ADGRL2: variants seen among roughly 807,000 people sequenced by gnomAD.
The protein encoded by ADGRL2 is calcium-independent alpha-latrotoxin receptor 2.
A neutral mutation model predicts 157.4 loss-of-function variants in ADGRL2; 44 were observed. The ratio of observed to expected loss-of-function variants is 0.28; its 90% CI spans 0.22 to 0.36. The LOEUF (loss-of-function observed/expected upper bound fraction) is 0.36. Ranked by LOEUF, ADGRL2 falls within the 10% of genes least tolerant of loss-of-function variation. The pLI, the probability that ADGRL2 is intolerant of heterozygous loss-of-function variation, is 1.00. For synonymous variants in ADGRL2, 585 were observed against 624.7 expected, an observed-to-expected ratio of 0.94 and a Z score of 0.95; for missense variants, 1,510 against 1,768.9, an observed-to-expected ratio of 0.85 and a Z score of 2.63.
At chr1:81,940,343 G>T (rs1247571287) in intron 4 of ADGRL2, among the ~76,000 whole-genome samples, 1 of 151,520 alleles carries the variant, frequency 6.6e-6, no homozygotes, top group Non-Finnish European at 1.5e-5. Flanking sequence ...ACGCCCTTCC[G>T]TTATTGATTC....
intron 1 of ADGRL2, among the ~76,000 whole-genome samples, chr1:81,424,691 T>C (rs749954859): frequency 6.6e-6 from 1 of 152,210 alleles, no homozygotes; most frequent in Non-Finnish European, 1.5e-5. Context: ...CTTCATCAGG[T>C]GGGTGATGGT....
At chr1:81,359,527 A>G (rs1245352894) in intron 1 of ADGRL2, among the ~76,000 whole-genome samples, 1 of 152,050 alleles carries the variant, frequency 6.6e-6, no homozygotes, top group Non-Finnish European at 1.5e-5. Flanking sequence ...TATTCAGTAT[A>G]CAGCATTAAT....
intron 1 of ADGRL2, among the ~76,000 whole-genome samples, chr1:81,389,925 T>C (rs2101108777): frequency 6.6e-6 from 1 of 152,320 alleles, no homozygotes; most frequent in Non-Finnish European, 1.5e-5. Flanking sequence ...CCATGTCTGC[T>C]AATCTGACTT....
At chr1:81,744,815 A>C (rs2085190393) in intron 1 of ADGRL2, among the ~76,000 whole-genome samples, 1 of 152,266 alleles carries the variant, frequency 6.6e-6, no homozygotes, top group African/African-American at 2.4e-5. Context: ...ATATTTTCTA[A>C]ATTGCCTCTA....
At chr1:81,558,571 C>T (rs2080367325) in intron 2 of ADGRL2, among the ~76,000 whole-genome samples, 1 of 152,054 alleles carries the variant, frequency 6.6e-6, no homozygotes, top group Admixed American at 6.5e-5. Context: ...ATTCATTCTT[C>T]ATGCAACCTT....
intron 9 of ADGRL2, among the ~76,000 whole-genome samples, chr1:81,952,582 C>T (rs1202697226): frequency 2.0e-5 from 3 of 152,020 alleles, no homozygotes; most frequent in Non-Finnish European, 2.9e-5. Flanking sequence ...GACAAGTTGC[C>T]GTCTCCAGGA....
At chr1:81,849,273 A>T (rs555956878) in intron 2 of ADGRL2, among the ~76,000 whole-genome samples, 2 of 152,068 alleles carry the variant, frequency 1.3e-5, no homozygotes, top group East Asian at 1.9e-4. Flanking sequence ...TTTGCTTCTT[A>T]ATCCCATTTC....
intron 1 of ADGRL2, among the ~76,000 whole-genome samples, chr1:81,396,650 C>T (rs1349451694): frequency 6.6e-6 from 1 of 152,204 alleles, no homozygotes; most frequent in East Asian, 1.9e-4. Flanking sequence ...TGGTCTTTAT[C>T]GTGTTGAGGT....
chr1:81,549,483 C>A (rs1422690172), intron 2 of ADGRL2, among the ~76,000 whole-genome samples: 1 of 152,164 alleles, frequency 6.6e-6, no homozygotes, highest in Non-Finnish European at 1.5e-5. Context: ...CTCCTAGTAA[C>A]TACTGACATG....
chr1:81,428,176 T>C (rs2077253288), intron 1 of ADGRL2, among the ~76,000 whole-genome samples: 1 of 152,162 alleles, frequency 6.6e-6, no homozygotes, highest in African/African-American at 2.4e-5. Flanking sequence ...TCTCCCCATT[T>C]CCAAACCATG....
chr1:81,858,931 G>A (rs762218216), intron 2 of ADGRL2, among the ~76,000 whole-genome samples: 8 of 152,114 alleles, frequency 5.3e-5, no homozygotes, highest in Admixed American at 1.3e-4. Flanking sequence ...TTTTATAGTC[G>A]TATGGCAGCT....
intron 11 of ADGRL2, among the ~76,000 whole-genome samples, chr1:81,957,184 T>TAAAA (rs61224384): frequency 6.8e-6 from 1 of 147,196 alleles, no homozygotes; most frequent in Admixed American, 6.8e-5. Flanking sequence ...TGAAAATTAT[T>TAAAA]AAAAAAAAAA....
intron 2 of ADGRL2, among the ~76,000 whole-genome samples, chr1:81,881,425 C>T (rs1054761930): frequency 6.6e-6 from 1 of 152,172 alleles, no homozygotes; most frequent in Admixed American, 6.5e-5. Flanking sequence ...ATCCACCAGC[C>T]TCGGCATCCC....
chr1:81,393,283 A>T (rs2076592143), intron 1 of ADGRL2, among the ~76,000 whole-genome samples: 1 of 151,800 alleles, frequency 6.6e-6, no homozygotes, highest in Admixed American at 6.6e-5. Flanking sequence ...CACTTTGGGG[A>T]AGGGATGAGA....
In ADGRL2 at chr1:81,928,198, A is replaced by G; in HGVS notation, c.288-8530A>G. On this transcript the variant is annotated intron_variant, in intron 3 of 23. Coordinates refer to ENST00000686636, the MANE Select transcript of ADGRL2 (RefSeq NM_001366006.2). ...AGTCAGTTGGAATTTGCTAGTGTAT[A>G]TGGAGAAGTGATTAGTAGCTAAATA... 1.3e-5 allele frequency among the ~76,000 whole-genome samples: 2 copies of G among 152,242 alleles called. 1 individual carries two copies. Among genetic ancestry groups the G allele is most frequent in the Middle Eastern group, 6.8e-3 (2 of 294 alleles).
At chr1:81,721,738 T>A (rs778107880) in intron 1 of ADGRL2, 78 of 1,426,176 alleles carry the variant, frequency 5.5e-5, no homozygotes, top group Non-Finnish European at 6.9e-5. Context: ...TGAAAATGTG[T>A]AAGCAGGATC....
intron 1 of ADGRL2, among the ~76,000 whole-genome samples, chr1:81,744,545 A>G (rs973361659): frequency 6.6e-6 from 1 of 152,158 alleles, no homozygotes; most frequent in Admixed American, 6.6e-5. Flanking sequence ...TGGAATTTTT[A>G]TAAAGAAACT....
chr1:81,691,013 A>T (rs2083322295), intron 3 of ADGRL2, among the ~76,000 whole-genome samples: 1 of 152,190 alleles, frequency 6.6e-6, no homozygotes, highest in South Asian at 2.1e-4. Flanking sequence ...AGCAGGGGAA[A>T]ATTTATGAGA....
intron 2 of ADGRL2, among the ~76,000 whole-genome samples, chr1:81,497,461 G>T (rs191357982): frequency 6.6e-6 from 1 of 152,122 alleles, no homozygotes; most frequent in Admixed American, 6.5e-5. Context: ...TCTTTACACA[G>T]GGTGGGATAT....
Sources: allele counts gnomAD v4.1 joint callset (sites outside exome capture counted in the v4.1 genomes callset), GRCh38; gene constraint gnomAD v4.1.1; transcripts MANE v1.5; gene names NCBI Gene and HGNC (gene_info 2026-07-23, HGNC 2026-07-21).